The following PDPN variants were observed in gnomAD, a reference collection of about 807,000 sequenced individuals.
The protein encoded by PDPN is PA2.26 antigen.
Under a neutral mutation model 23.2 loss-of-function variants are expected in PDPN, and 12 were observed. The ratio of observed to expected loss-of-function variants is 0.52; its 90% CI spans 0.33 to 0.84. PDPN has a LOEUF of 0.84. Ranked by LOEUF, PDPN falls within the 40% of genes least tolerant of loss-of-function variation. The pLI is 0.02. For synonymous variants in PDPN, 77 were observed against 76.7 expected (o/e 1.00, Z -0.02); for missense variants, 199 against 212.2 (o/e 0.94, Z 0.39).
chr1:13,588,878 A>C (rs1640256340), intron 1 of PDPN, among the ~76,000 whole-genome samples: 1 of 148,556 alleles, frequency 6.7e-6, no homozygotes, highest in South Asian at 2.1e-4. Flanking sequence ...GAGTTTCACC[A>C]TGTTGCCCAG....
intron 1 of PDPN, chr1:13,595,916 G>C (rs751328005): frequency 3.9e-6 from 5 of 1,279,962 alleles, no homozygotes; most frequent in African/African-American, 1.5e-5. Context: ...GAAGTGTTCC[G>C]GCCGGGTGCA....
chr1:13,592,153 G>A (rs1251629953), intron 1 of PDPN, among the ~76,000 whole-genome samples: 1 of 152,188 alleles, frequency 6.6e-6, no homozygotes, highest in Non-Finnish European at 1.5e-5. Flanking sequence ...CTAAAGTTGA[G>A]TTAAATCCTT....
In PDPN at chr1:13,611,688, A is replaced by G. The variant is rs548235400; in HGVS notation, c.331+1172A>G. On this transcript the variant is annotated intron_variant, in intron 3 of 5. Transcript: ENST00000621990. ...GAACAATAGTGTGAATGTACTTAATACCACTGAACTGTACATTTAAAAATG... is the reference window on the plus strand; with the variant it reads ...GAACAATAGTGTGAATGTACTTAATGCCACTGAACTGTACATTTAAAAATG... Among the ~76,000 whole-genome samples, 41 of 152,226 alleles carry G rather than the reference A, an allele frequency of 2.7e-4. No individual in the cohort carries two copies. The South Asian group carries it at 7.5e-3, about 28-fold the overall frequency.
rs1380247259 is a variant in PDPN at position 13,615,979 on chromosome 1, TC to T, written c.*71del. ...AGACCGTTTCTGACTCTGTGCCCTGTCCCTGAGCTCGTGGGAGAAGATGACC... is the reference window on the plus strand; with the variant it reads ...AGACCGTTTCTGACTCTGTGCCCTGTCCTGAGCTCGTGGGAGAAGATGACC... On this transcript the variant is annotated 3_prime_UTR_variant, in exon 6 of 6. Coordinates refer to ENST00000621990, the MANE Select transcript of PDPN (RefSeq NM_006474.5). 3 of 1,468,948 alleles carry T rather than the reference TC, an allele frequency of 2.0e-6. No individual in the cohort carries two copies. In the African/African-American group the frequency reaches 4.2e-5, roughly 20 times the overall value. 91.0% of individuals were successfully genotyped at this position (1,468,948 alleles called of 1,614,324 possible). A position where few individuals can be genotyped will look rare whatever the true frequency, so the allele number is the denominator to read the frequency against.
At chr1:13,597,602 C>T (rs1037546949) in intron 1 of PDPN, among the ~76,000 whole-genome samples, 2 of 152,134 alleles carry the variant, frequency 1.3e-5, no homozygotes, top group Admixed American at 6.6e-5. Flanking sequence ...GAGGACTTAA[C>T]GAGAGGAAGT....
intron 1 of PDPN, among the ~76,000 whole-genome samples, chr1:13,599,411 A>G (rs1244134802): frequency 2.9e-5 from 3 of 102,166 alleles, no homozygotes; most frequent in Admixed American, 1.4e-4. Flanking sequence ...TTTCAGACAG[A>G]GCCTTGCTCT....
chr1:13,584,073 GCGT>G lies in PDPN; in HGVS notation c.43_45del (p.Ser15del). ...AGCTCTGCTCTTCGTTTTGGGAAGC[GCGT>G]CGCTCTGGGTCCTGGCAGAAGGAGG... On this transcript the variant is annotated inframe_deletion, in exon 1 of 6. Coordinates refer to ENST00000621990, the MANE Select transcript of PDPN (RefSeq NM_006474.5). 2.5e-6 allele frequency: 4 copies of G among 1,613,118 alleles called. No individual in the cohort carries two copies. Among genetic ancestry groups the G allele is most frequent in the Non-Finnish European group, 3.4e-6 (4 of 1,180,004 alleles).
chr1:13,610,246 G>A, intron 2 of PDPN, 141 bp from the exon 3 acceptor site: 1 of 649,620 alleles, frequency 1.5e-6, no homozygotes, highest in Non-Finnish European at 2.7e-6. Flanking sequence ...TAATTGTTCT[G>A]TTCATTTTCT....
intron 1 of PDPN, among the ~76,000 whole-genome samples, chr1:13,592,045 T>C (rs113447436): frequency 4.7e-4 from 71 of 152,368 alleles, no homozygotes; most frequent in African/African-American, 1.6e-3. Flanking sequence ...AGTTTCAATT[T>C]GCATTTTCCT....
chr1:13,603,504 G>T (rs1034539495), intron 1 of PDPN, among the ~76,000 whole-genome samples: 1 of 151,686 alleles, frequency 6.6e-6, no homozygotes, highest in Non-Finnish European at 1.5e-5. Context: ...CATTGCTTAC[G>T]TTTATTTGTT....
intron 2 of PDPN, among the ~76,000 whole-genome samples, chr1:13,608,970 C>T (rs928244020): frequency 5.9e-5 from 9 of 152,298 alleles, no homozygotes; most frequent in Admixed American, 4.6e-4. Flanking sequence ...CTCACCCTCA[C>T]CTCCATCAGA....
intron 1 of PDPN, among the ~76,000 whole-genome samples, chr1:13,586,952 G>A (rs1459139836): frequency 1.3e-5 from 2 of 152,208 alleles, no homozygotes; most frequent in Non-Finnish European, 2.9e-5. Context: ...CTTGGAGGCT[G>A]AGGCGGAAGA....
chr1:13,597,328 T>TA lies in PDPN; in HGVS notation c.68-9844dup, dbSNP rs1308069001. Among the ~76,000 whole-genome samples, 16 of 152,336 alleles carry TA rather than the reference T, an allele frequency of 1.1e-4. No individual in the cohort carries two copies. The East Asian group carries it at 3.1e-3, about 29-fold the overall frequency. ...TAGACACTAGGGCAGCGCAAGATGC[T>TA]ACAAAACACTGAGCAACGTGAAAGA... On this transcript the variant is annotated intron_variant, in intron 1 of 5. Transcript: ENST00000621990.
chr1:13,610,266 A>G, intron 2 of PDPN, 121 bp from the exon 3 acceptor site: 1 of 727,456 alleles, frequency 1.4e-6, no homozygotes, highest in South Asian at 1.8e-5. Flanking sequence ...TTCTACTTGC[A>G]ATTCATGCCA....
chr1:13,590,447 G>C (rs1042226291), intron 1 of PDPN, among the ~76,000 whole-genome samples: 8 of 152,224 alleles, frequency 5.3e-5, no homozygotes, highest in African/African-American at 1.4e-4. Context: ...AGATAAGAGA[G>C]AATCTTGGGG....
Position 13,611,380 on chromosome 1 carries a change from A to G in PDPN, c.331+864A>G, listed in dbSNP as rs551851879. Among the ~76,000 whole-genome samples, 8 of 124,990 alleles carry G rather than the reference A, an allele frequency of 6.4e-5. No individual in the cohort carries two copies. The East Asian group carries it at 1.6e-3, about 26-fold the overall frequency. The allele number at this position is 124,990 out of a possible 152,430, so 82.0% of individuals were successfully genotyped here. ...AGATAAGCAAAATGTAGTGTATATG[A>G]CGGAATATTATTCAGCCTTGAAAAT... On this transcript the variant is annotated intron_variant, in intron 3 of 5. Transcript: ENST00000621990.
chr1:13,607,099 C>A (rs766604930), intron 1 of PDPN, 74 bp from the exon 2 acceptor site: 51 of 1,461,788 alleles, frequency 3.5e-5, no homozygotes, highest in Non-Finnish European at 4.5e-5. Context: ...AGAAAATAAT[C>A]CGAATGTAGC....
chr1:13,607,064 C>T (rs1260568908), intron 1 of PDPN, 109 bp from the exon 2 acceptor site: 2 of 1,324,814 alleles, frequency 1.5e-6, no homozygotes, highest in African/African-American at 3.0e-5. Context: ...AAAAATAAAA[C>T]AAAAATTTCC....
At position 13,616,514 on chromosome 1, in the gene PDPN, A is replaced by G. The variant is rs1641077401; in HGVS notation, c.*603A>G. 6.5e-6 allele frequency: 1 copy of G among 153,054 alleles called. No individual in the cohort carries two copies. Among genetic ancestry groups the G allele is most frequent in the Non-Finnish European group, 1.5e-5 (1 of 68,608 alleles). 9.5% of individuals were successfully genotyped at this position (153,054 alleles called of 1,614,324 possible). ...TAGCTGGTCCAGATTAATCATTTCAAAGACATCCATTTTAGATCACAAGCA... is the reference window on the plus strand; with the variant it reads ...TAGCTGGTCCAGATTAATCATTTCAGAGACATCCATTTTAGATCACAAGCA... On this transcript the variant is annotated 3_prime_UTR_variant, in exon 6 of 6. Transcript: ENST00000621990.
Sources: allele counts gnomAD v4.1 joint callset (sites outside exome capture counted in the v4.1 genomes callset), GRCh38; gene constraint gnomAD v4.1.1; transcripts MANE v1.5; gene names NCBI Gene and HGNC (gene_info 2026-07-23, HGNC 2026-07-21).